The following SOX5 variants were observed in gnomAD, a reference collection of about 807,000 sequenced individuals.
The protein encoded by SOX5 is SRY-box transcription factor 5.
Under a neutral mutation model 92.0 loss-of-function variants are expected in SOX5, and 9 were observed. The observed-to-expected ratio is 0.10, with a 90% CI of 0.06 to 0.17. The LOEUF (loss-of-function observed/expected upper bound fraction) is 0.17, where lower values mean the gene tolerates loss of function less well. SOX5 is among the 10% of genes least tolerant of loss of function. The pLI is 1.00. For missense variants in SOX5, 642 were observed against 944.5 expected (o/e 0.68, Z 4.20); for synonymous variants, 344 against 336.3 (o/e 1.02, Z -0.25).
At chr12:24,047,351 G>A (rs1196829207) in intron 4 of SOX5, among the ~76,000 whole-genome samples, 1 of 152,128 alleles carries the variant, frequency 6.6e-6, no homozygotes, top group Admixed American at 6.5e-5. Flanking sequence ...GACTTTAAAT[G>A]AAGCAAAAAG....
intron 7 of SOX5, among the ~76,000 whole-genome samples, chr12:23,647,012 T>G (rs1450900861): frequency 6.6e-6 from 1 of 152,200 alleles, no homozygotes; most frequent in African/African-American, 2.4e-5. Context: ...TTCTAGAAGG[T>G]TTTCAATAAT....
At chr12:23,949,731 CCTCT>C (rs141363242), upstream of SOX5, 11,841 of 709,442 alleles carry the variant, frequency 0.017, 5 homozygotes, top group African/African-American at 0.018. Context: ...TCCCTCCCTC[CCTCT>C]CTCTCTCTCT....
chr12:23,795,464 A>G (rs2095545981), intron 3 of SOX5, among the ~76,000 whole-genome samples: 1 of 151,970 alleles, frequency 6.6e-6, no homozygotes, highest in African/African-American at 2.4e-5. Context: ...CTACCTTTGG[A>G]TTTCCTTTTA....
At chr12:23,667,278 T>C (rs1316997072) in intron 6 of SOX5, among the ~76,000 whole-genome samples, 1 of 152,184 alleles carries the variant, frequency 6.6e-6, no homozygotes, top group African/African-American at 2.4e-5. Flanking sequence ...ATTCTTGTTA[T>C]GGTGGTTTTT....
chr12:24,056,870 A>G (rs377754000), intron 4 of SOX5, among the ~76,000 whole-genome samples: 1,677 of 145,144 alleles, frequency 0.012, 23 homozygotes, highest in South Asian at 0.037. Flanking sequence ...AGCTACTTGG[A>G]AGGCTGAGGC....
intron 3 of SOX5, among the ~76,000 whole-genome samples, chr12:23,826,645 T>C (rs563799152): frequency 2.0e-5 from 3 of 152,014 alleles, no homozygotes; most frequent in African/African-American, 7.2e-5. Flanking sequence ...ATCTTGACAC[T>C]AATGAAAAAT....
At chr12:24,263,367 A>C (rs1273176250) in intron 3 of SOX5, among the ~76,000 whole-genome samples, 1 of 151,726 alleles carries the variant, frequency 6.6e-6, no homozygotes, top group African/African-American at 2.4e-5. Context: ...CTCTACTAAA[A>C]ACACAAAAAA....
At chr12:24,468,614 G>A (rs1232048833) in intron 1 of SOX5, among the ~76,000 whole-genome samples, 1 of 152,142 alleles carries the variant, frequency 6.6e-6, no homozygotes, top group Admixed American at 6.5e-5. Flanking sequence ...AGCAATTCTT[G>A]AGGTAAACTT....
intron 4 of SOX5, among the ~76,000 whole-genome samples, chr12:24,093,297 A>G (rs11047254): frequency 0.041 from 6,240 of 152,084 alleles, 140 homozygotes; most frequent in Non-Finnish European, 0.051. Flanking sequence ...CGAGGCGGGC[A>G]GATCACGAGG....
At chr12:24,502,403 T>A (rs1191957827) in intron 1 of SOX5, among the ~76,000 whole-genome samples, 2 of 151,882 alleles carry the variant, frequency 1.3e-5, no homozygotes, top group Non-Finnish European at 2.9e-5. Flanking sequence ...ATCAAAAAAA[T>A]ATTATTAGAC....
intron 3 of SOX5, among the ~76,000 whole-genome samples, chr12:24,229,041 A>G (rs1029932424): frequency 1.3e-5 from 2 of 152,188 alleles, no homozygotes; most frequent in African/African-American, 4.8e-5. Context: ...AAAACTTACA[A>G]CAATCCATAT....
intron 1 of SOX5, among the ~76,000 whole-genome samples, chr12:24,561,266 G>C (rs1044734937): frequency 2.6e-5 from 4 of 152,166 alleles, no homozygotes; most frequent in Admixed American, 1.3e-4. Flanking sequence ...ACCTGCTTTA[G>C]CTGAGAAGGG....
At chr12:24,376,025 TAAGA>T (rs753444274) in intron 1 of SOX5, among the ~76,000 whole-genome samples, 20 of 152,282 alleles carry the variant, frequency 1.3e-4, no homozygotes, top group East Asian at 3.9e-4. Context: ...TAAGATTCAC[TAAGA>T]AAGATGACCA....
chr12:23,968,194 T>C lies in SOX5; in HGVS notation c.-1-72170A>G, dbSNP rs117999944. Among the ~76,000 whole-genome samples the C allele has an allele frequency of 9.3e-3, 1,414 of 152,336 alleles. 7 individuals carry two copies. Among genetic ancestry groups the C allele is most frequent in the Non-Finnish European group, 0.015 (1,053 of 68,028 alleles). On this transcript the variant is annotated intron_variant, in intron 4 of 4. Transcript: ENST00000446891. ...AAAGGGATGTCTGCATTTGTTGTTA[T>C]CACACAACCACCTTGCATTCACTTC...
chr12:24,502,788 T>A (rs1035409364), intron 1 of SOX5, among the ~76,000 whole-genome samples: 1 of 152,220 alleles, frequency 6.6e-6, no homozygotes, highest in South Asian at 2.1e-4. Flanking sequence ...AAGATTAGCA[T>A]TACCAGTGGT....
chr12:23,603,004 AG>A (rs2074710538), intron 9 of SOX5, among the ~76,000 whole-genome samples: 1 of 152,130 alleles, frequency 6.6e-6, no homozygotes, highest in Non-Finnish European at 1.5e-5. Context: ...CTGTCAATGT[AG>A]TGTGTACAAT....
chr12:24,433,651 C>T (rs543657788), intron 1 of SOX5, among the ~76,000 whole-genome samples: 1 of 152,216 alleles, frequency 6.6e-6, no homozygotes, highest in African/African-American at 2.4e-5. Flanking sequence ...CAGCACTCCT[C>T]ATCATCTTCC....
chr12:24,310,255 ATATC>A (rs912289383), intron 2 of SOX5, among the ~76,000 whole-genome samples: 1 of 152,186 alleles, frequency 6.6e-6, no homozygotes, highest in Non-Finnish European at 1.5e-5. Flanking sequence ...CGGATAAACA[ATATC>A]TATCAATAAC....
At chr12:23,892,716 G>T (rs1027089454) in intron 2 of SOX5, among the ~76,000 whole-genome samples, 2 of 152,146 alleles carry the variant, frequency 1.3e-5, no homozygotes, top group Admixed American at 1.3e-4. Context: ...AAAAATATAA[G>T]AGAAAAGTAT....
Sources: gnomAD v4.1 joint callset for allele counts (sites outside exome capture counted in the v4.1 genomes callset) on GRCh38, gnomAD v4.1.1 for gene constraint, MANE v1.5 for transcripts, NCBI Gene and HGNC (gene_info 2026-07-23, HGNC 2026-07-21) for gene names.